TLN2: variants seen among roughly 807,000 people sequenced by gnomAD.
The protein encoded by TLN2 is talin 2.
TLN2 carries 118 observed loss-of-function variants against 294.7 expected under a neutral mutation model. The observed-to-expected ratio is 0.40, with a 90% CI of 0.34 to 0.47. The LOEUF is 0.47. TLN2 is among the 20% of genes least tolerant of loss of function. The pLI is 0.84. For missense variants in TLN2, 3,083 were observed against 3,282.2 expected, an observed-to-expected ratio of 0.94 and a Z score of 1.48; for synonymous variants, 1,431 against 1,304.5, an observed-to-expected ratio of 1.10 and a Z score of -2.09.
rs1290992518 is a variant in TLN2, at chr15:62,717,567, C to G, written c.2764-9C>G. On this transcript the variant is annotated splice_polypyrimidine_tract_variant and intron_variant, in intron 23 of 58. Coordinates refer to ENST00000636159, the MANE Select transcript of TLN2 (RefSeq NM_015059.3). ...TGCAGATCCTGACTCATCTATCACT[C>G]CTCTGCAGGTTGCAGCCAAGCAGGC... is the stretch of plus-strand genomic sequence containing the variant. 1 of 1,543,356 alleles carries G rather than the reference C, an allele frequency of 6.5e-7. No individual in the cohort carries two copies. The highest frequency in any genetic ancestry group is 2.3e-5 in the East Asian group (1 of 42,650).
chr15:62,724,948 G>A (rs538776563), intron 26 of TLN2, 28 bp from the exon 27 acceptor site: 2 of 1,602,940 alleles, frequency 1.2e-6, no homozygotes, highest in Admixed American at 1.7e-5. Context: ...AGCAGACTGG[G>A]TATACATATT....
chr15:62,420,678 T>C (rs567124649), intron 1 of TLN2, among the ~76,000 whole-genome samples: 1 of 152,342 alleles, frequency 6.6e-6, no homozygotes, highest in East Asian at 1.9e-4. Context: ...GGCTGGGATG[T>C]AACAAAAGCC....
At chr15:62,614,750 A>G (rs186133008) in intron 2 of TLN2, among the ~76,000 whole-genome samples, 3 of 152,310 alleles carry the variant, frequency 2.0e-5, no homozygotes, top group Admixed American at 6.5e-5. Context: ...TGTCTTCAAC[A>G]TATGTCTCTG....
At chr15:62,785,807 G>A (rs16945733) in intron 45 of TLN2, among the ~76,000 whole-genome samples, 5,033 of 152,186 alleles carry the variant, frequency 0.033, 101 homozygotes, top group African/African-American at 0.064. Flanking sequence ...ATGAGTTCTT[G>A]TAAGCTACCC....
intron 1 of TLN2, among the ~76,000 whole-genome samples, chr15:62,451,679 T>C (rs1197463680): frequency 7.2e-5 from 11 of 152,132 alleles, no homozygotes; most frequent in Non-Finnish European, 1.5e-5. Flanking sequence ...AGGAATTGGC[T>C]CCACAACCCT....
chr15:62,618,910 G>T (rs1382752830), intron 3 of TLN2, among the ~76,000 whole-genome samples: 1 of 152,170 alleles, frequency 6.6e-6, no homozygotes, highest in Non-Finnish European at 1.5e-5. Context: ...TGCTGTTAAT[G>T]TTATAAACTA....
chr15:62,675,342 A>T, intron 11 of TLN2, 21 bp downstream of exon 11: 1 of 1,610,578 alleles, frequency 6.2e-7, no homozygotes, highest in Non-Finnish European at 8.5e-7. Context: ...CAGAATGGGG[A>T]GAGTGTTCAC....
At chr15:62,443,770 G>A (rs1361400123) in intron 1 of TLN2, among the ~76,000 whole-genome samples, 2 of 152,178 alleles carry the variant, frequency 1.3e-5, no homozygotes, top group African/African-American at 4.8e-5. Context: ...GGGAGGCAGA[G>A]GACAGAGGAT....
At chr15:62,507,878 A>G (rs914228855) in intron 1 of TLN2, among the ~76,000 whole-genome samples, 1 of 152,216 alleles carries the variant, frequency 6.6e-6, no homozygotes, top group Admixed American at 6.5e-5. Flanking sequence ...CACATTCCGT[A>G]CCTGAGAACG....
intron 1 of TLN2, among the ~76,000 whole-genome samples, chr15:62,496,998 A>G (rs1308614147): frequency 6.6e-6 from 1 of 152,032 alleles, no homozygotes; most frequent in East Asian, 1.9e-4. Flanking sequence ...CTCCCCTCAG[A>G]TGGAGGTAAT....
intron 52 of TLN2, among the ~76,000 whole-genome samples, chr15:62,813,422 G>T (rs1183464550): frequency 6.6e-6 from 1 of 152,076 alleles, no homozygotes; most frequent in African/African-American, 2.4e-5. Context: ...ATCACTAATA[G>T]GAAGAAAAGC....
intron 1 of TLN2, among the ~76,000 whole-genome samples, chr15:62,499,549 C>G (rs538716156): frequency 1.7e-3 from 260 of 152,258 alleles, no homozygotes; most frequent in Admixed American, 3.0e-3. Context: ...GGCCAACATG[C>G]CAACTGATGA....
At chr15:62,816,231 G>A (rs1298235589) in intron 52 of TLN2, among the ~76,000 whole-genome samples, 1 of 152,230 alleles carries the variant, frequency 6.6e-6, no homozygotes, top group East Asian at 1.9e-4. Flanking sequence ...ATGTTTTAGA[G>A]ATGTCCATTT....
chr15:62,813,999 A>T (rs550898800), intron 52 of TLN2, among the ~76,000 whole-genome samples: 1 of 152,180 alleles, frequency 6.6e-6, no homozygotes, highest in South Asian at 2.1e-4. Context: ...TTTTTTGTAG[A>T]GATGGGGTTT....
Position 62,716,447 on chromosome 15 carries a change from C to T in TLN2, c.2751C>T (p.Val917=). Residue 917 remains valine, a synonymous_variant, in exon 23 of 59, where the codon GTC becomes GTT. Transcript: ENST00000636159. The part of the protein sequence containing the change: ...AAQNAIKKKI[V]NRLEVAAKQA... ...AGAATGCTATTAAGAAAAAAATTGT[C>T]AACCGACTGGAGGTAAGGAAAGAGG... 6.2e-7 allele frequency: 1 copy of T among 1,604,816 alleles called. No individual in the cohort carries two copies. The highest frequency in any genetic ancestry group is 1.7e-5 in the Admixed American group (1 of 58,488).
At chr15:62,766,220 C>A in intron 40 of TLN2, 101 bp from the exon 41 acceptor site, 1 of 986,810 alleles carries the variant, frequency 1.0e-6, no homozygotes, top group Non-Finnish European at 1.5e-6. Flanking sequence ...CTAATGTCTG[C>A]TTTGTGTGGC....
Position 62,702,986 on chromosome 15 carries a change from G to A in TLN2, c.2004+122G>A, listed in dbSNP as rs1055389693. Reference sequence around the variant, plus strand: ...TTGAGATAGTCAAGAATGCGATTGAGATGGATTATCTTGGGAGTGAGGTCT... The same window carrying A: ...TTGAGATAGTCAAGAATGCGATTGAAATGGATTATCTTGGGAGTGAGGTCT... On this transcript the variant is annotated intron_variant, in intron 19 of 58. Transcript: ENST00000636159. 37 of 902,696 alleles carry A rather than the reference G, an allele frequency of 4.1e-5. No homozygotes were observed. In the East Asian group the frequency reaches 9.5e-4, roughly 23 times the overall value. 55.9% of individuals were successfully genotyped at this position (902,696 alleles called of 1,614,324 possible).
At position 62,736,870 on chromosome 15, in the gene TLN2, T is replaced by TC; in HGVS notation, c.3359-3dup. 10 of 1,611,654 alleles carry TC rather than the reference T, an allele frequency of 6.2e-6. No individual in the cohort carries two copies. Among genetic ancestry groups the TC allele is most frequent in the Non-Finnish European group, 8.5e-6 (10 of 1,178,334 alleles). On this transcript the variant is annotated splice_polypyrimidine_tract_variant and splice_region_variant and intron_variant, in intron 28 of 58. Transcript: ENST00000636159. ...CTAATTGGAAATCTGATGGACTTTT[T>TC]CCCCCAGGGGTGGCTGCTAGAGAGA... is the stretch of plus-strand genomic sequence containing the variant.
intron 2 of TLN2, among the ~76,000 whole-genome samples, chr15:62,599,026 T>TG (rs1471582251): frequency 6.6e-6 from 1 of 152,112 alleles, no homozygotes; most frequent in Non-Finnish European, 1.5e-5. Context: ...ACATTGAGGA[T>TG]GGGGTGGCTG....
Sources: allele counts gnomAD v4.1 joint callset (sites outside exome capture counted in the v4.1 genomes callset), GRCh38; gene constraint gnomAD v4.1.1; transcripts MANE v1.5; gene names NCBI Gene and HGNC (gene_info 2026-07-23, HGNC 2026-07-21).